The following TOP2B variants were observed in gnomAD, a reference collection of about 807,000 sequenced individuals.
The protein encoded by TOP2B is DNA topoisomerase 2-beta.
A neutral mutation model predicts 193.5 loss-of-function variants in TOP2B; 51 were observed. The ratio of observed to expected loss-of-function variants is 0.26; its 90% CI spans 0.21 to 0.33. TOP2B has a LOEUF of 0.33. Among genes scored for constraint, TOP2B ranks in the 10% least tolerant of loss-of-function variants. The pLI is 1.00. For synonymous variants in TOP2B, 634 were observed against 635.7 expected, an observed-to-expected ratio of 1.00 and a Z score of 0.04; for missense variants, 1,378 against 1,909.3, an observed-to-expected ratio of 0.72 and a Z score of 5.19.
chr3:25,652,828 A>G (rs1703630753), intron 1 of TOP2B, among the ~76,000 whole-genome samples: 1 of 152,112 alleles, frequency 6.6e-6, no homozygotes, highest in South Asian at 2.1e-4. Flanking sequence ...GAATAGAAAA[A>G]CAATGAGGAA....
chr3:25,659,449 A>C (rs1443137647), intron 1 of TOP2B, among the ~76,000 whole-genome samples: 1 of 152,242 alleles, frequency 6.6e-6, no homozygotes, highest in Non-Finnish European at 1.5e-5. Flanking sequence ...TGTATGTGTG[A>C]ACCCATCTGG....
At position 25,598,141 on chromosome 3, in the gene TOP2B, A is replaced by AAAC. The variant is rs142357671; in HGVS notation, c.*163_*165dup. On this transcript the variant is annotated 3_prime_UTR_variant, in exon 36 of 36. Coordinates refer to ENST00000264331, the MANE Select transcript of TOP2B (RefSeq NM_001330700.2). ...ATTTCAATGAGTAAAAAAGAGCATA[A>AAAC]AACTGTATGTGTAAGAACAAAATGT... is the stretch of plus-strand genomic sequence containing the variant. The AAAC allele has an allele frequency of 4.1e-5, 27 of 651,992 alleles. No individual in the cohort carries two copies. In the African/African-American group the frequency reaches 5.0e-4, roughly 12 times the overall value. 40.4% of individuals were successfully genotyped at this position (651,992 alleles called of 1,614,324 possible). A position where few individuals can be genotyped will look rare whatever the true frequency, so the allele number is the denominator to read the frequency against.
chr3:25,631,731 T>A (rs1213898991), intron 10 of TOP2B, among the ~76,000 whole-genome samples: 1 of 152,032 alleles, frequency 6.6e-6, no homozygotes, highest in African/African-American at 2.4e-5. Context: ...GGACAGAAAT[T>A]TGGGAAAGCA....
rs748760684 is a variant in TOP2B, at chr3:25,599,500, C to T, written c.4645G>A (p.Ala1549Thr). 6.2e-7 allele frequency: 1 copy of T among 1,613,460 alleles called. No individual in the cohort carries two copies. The highest frequency in any genetic ancestry group is 8.5e-7 in the Non-Finnish European group (1 of 1,179,616). ...TCGCCTTCATTTTCAGAGCCAGATG[C>T]TTTCCTTTTCTTTGCCCCTCGGCCT... ...GKGRGAKKRKASGSENEGDYN... is the reference protein window; with the variant it reads ...GKGRGAKKRKTSGSENEGDYN... The change falls in exon 35 of 36, where the codon GCA (alanine) becomes ACA (threonine). Residue 1549 changes from alanine to threonine, a missense_variant. Coordinates refer to ENST00000264331, the MANE Select transcript of TOP2B (RefSeq NM_001330700.2).
At chr3:25,639,852 T>G (rs371413972) in intron 4 of TOP2B, among the ~76,000 whole-genome samples, 1 of 152,192 alleles carries the variant, frequency 6.6e-6, no homozygotes, top group African/African-American at 2.4e-5. Context: ...AAAGAAAGAA[T>G]AAGAGCTAGG....
At chr3:25,646,475 A>G (rs1004337789) in intron 1 of TOP2B, among the ~76,000 whole-genome samples, 11 of 152,290 alleles carry the variant, frequency 7.2e-5, no homozygotes, top group Non-Finnish European at 1.3e-4. Context: ...AAGGTCTACA[A>G]ATTTCCTTGT....
At chr3:25,603,529 C>T (rs1702160841) in intron 33 of TOP2B, among the ~76,000 whole-genome samples, 2 of 152,188 alleles carry the variant, frequency 1.3e-5, no homozygotes, top group African/African-American at 2.4e-5. Flanking sequence ...AGGTGTGAGC[C>T]ACTGCGCCCA....
chr3:25,645,261 G>A (rs1703383180), intron 2 of TOP2B, 39 bp downstream of exon 2: 1 of 1,454,390 alleles, frequency 6.9e-7, no homozygotes, highest in East Asian at 2.4e-5. Context: ...AAATATAGAT[G>A]CACATCTCCT....
intron 25 of TOP2B, among the ~76,000 whole-genome samples, chr3:25,617,370 T>A (rs1403038874): frequency 1.3e-5 from 2 of 152,176 alleles, no homozygotes; most frequent in Non-Finnish European, 2.9e-5. Context: ...GCCCATCTTG[T>A]CCTACCGAAT....
rs774107881 is a variant in TOP2B, at chr3:25,604,818, T to C, written c.4431A>G (p.Pro1477=). 14 of 1,613,050 alleles carry C rather than the reference T, an allele frequency of 8.7e-6. No homozygotes were observed. Among genetic ancestry groups the C allele is most frequent in the East Asian group, 4.5e-5 (2 of 44,718 alleles). ...NEEDSASVFS[P]SFGLKQTDKV... is the part of the protein sequence containing the mutation. ...TATCTGTCTGTTTCAGACCAAATGATGGTGAAAAAACAGAAGCAGAATCTT... is the reference window on the plus strand; with the variant it reads ...TATCTGTCTGTTTCAGACCAAATGACGGTGAAAAAACAGAAGCAGAATCTT... The change falls in exon 33 of 36, where the codon CCA becomes CCG. Residue 1477 remains proline (P), a synonymous_variant. Transcript: ENST00000264331.
intron 8 of TOP2B, among the ~76,000 whole-genome samples, chr3:25,633,199 G>A (rs1203887459): frequency 6.6e-6 from 1 of 152,098 alleles, no homozygotes; most frequent in Non-Finnish European, 1.5e-5. Context: ...ACAAGTCCTA[G>A]GCCTCCTGTA....
At chr3:25,614,980 G>A (rs1055343592) in intron 27 of TOP2B, among the ~76,000 whole-genome samples, 2 of 151,852 alleles carry the variant, frequency 1.3e-5, no homozygotes, top group African/African-American at 2.4e-5. Context: ...TTAACTAATT[G>A]AAAGCAGATT....
At position 25,626,655 on chromosome 3, in the gene TOP2B, G is replaced by C; in HGVS notation, c.2129C>G (p.Ala710Gly). 6.5e-7 allele frequency: 1 copy of C among 1,535,626 alleles called. No homozygotes were observed. The highest frequency in any genetic ancestry group is 1.3e-5 in the South Asian group (1 of 79,726). The stretch of plus-strand genomic sequence containing the variant: ...ATCATTATAAGTCAAATGCTTTGTT[G>C]CAGTACCATATAAAAATTGCTAAGA... ...GLPEQFLYGT[A>G]TKHLTYNDFI... Residue 710 changes from alanine (A) to glycine (G), a missense_variant, in exon 18 of 36, where the codon GCA (alanine) becomes GGA (glycine). Ala to Gly is a moderately conservative substitution (Grantham distance 60). Coordinates refer to ENST00000264331, the MANE Select transcript of TOP2B (RefSeq NM_001330700.2).
chr3:25,618,947 C>A lies in TOP2B; in HGVS notation c.3064-98G>T, dbSNP rs571798245. 5.6e-5 allele frequency: 51 copies of A among 903,416 alleles called. No individual in the cohort carries two copies. The African/African-American group carries it at 7.8e-4, about 14-fold the overall frequency. 56.0% of individuals were successfully genotyped at this position (903,416 alleles called of 1,614,324 possible). ...TACTTAAAATAACCATAATATATAA[C>A]CATAATGCATGTGTGTGAACACAGA... On this transcript the variant is annotated intron_variant, in intron 23 of 35. Transcript: ENST00000264331.
In TOP2B at chr3:25,633,958, A is replaced by C. The variant is rs1703031413; in HGVS notation, c.909T>G (p.Thr303=). The C allele has an allele frequency of 1.9e-6, 3 of 1,612,898 alleles. No individual in the cohort carries two copies. The East Asian group carries it at 6.7e-5, about 36-fold the overall frequency. ...DLYVKDKLDE[T]GVALKVIHEL... ...CATGAATAACTTTCAGGGCCACCCC[A>C]GTTTCATCCAATTTGTCTTTCACAT... Residue 303 remains threonine (T), a synonymous_variant, in exon 8 of 36, where the codon ACT becomes ACG. Coordinates refer to ENST00000264331, the MANE Select transcript of TOP2B (RefSeq NM_001330700.2).
intron 1 of TOP2B, among the ~76,000 whole-genome samples, chr3:25,652,184 C>G (rs1385595690): frequency 1.3e-5 from 2 of 152,166 alleles, no homozygotes; most frequent in Admixed American, 1.3e-4. Flanking sequence ...TGAGCAAACA[C>G]TGACAGAAGT....
chr3:25,642,215 A>G (rs1177024626), intron 4 of TOP2B, 107 bp downstream of exon 4: 3 of 559,894 alleles, frequency 5.4e-6, no homozygotes, highest in African/African-American at 3.8e-5. Context: ...AACAACAGGG[A>G]AACTTTAAAA....
At chr3:25,648,211 G>GCATCAGACCCTGCAGTATCAGAAA (rs1703465059) in intron 1 of TOP2B, among the ~76,000 whole-genome samples, 2 of 152,190 alleles carry the variant, frequency 1.3e-5, no homozygotes, top group African/African-American at 4.8e-5. Flanking sequence ...CTTTGGTTTA[G>GCATCAGACCCTGCAGTATCAGAAA]CATCAGACCC....
chr3:25,615,531 C>A lies in TOP2B; in HGVS notation c.3407G>T (p.Gly1136Val). 6.3e-7 allele frequency: 1 copy of A among 1,575,606 alleles called. No homozygotes were observed. Among genetic ancestry groups the A allele is most frequent in the South Asian group, 1.2e-5 (1 of 85,100 alleles). The stretch of plus-strand genomic sequence containing the variant: ...ATTAAAATCTGGGCCTGAAGGAGTT[C>A]CTGAATCGGAGGAACTATCATCATG... ...NQHDDSSSDS[G>V]TPSGPDFNYI... The change falls in exon 26 of 36, where the codon GGA (glycine) becomes GTA (valine). Residue 1136 changes from glycine to valine, a missense_variant. By Grantham distance (109) the Gly-to-Val change is moderately radical (BLOSUM62 -3). Transcript: ENST00000264331.
Sources: allele counts gnomAD v4.1 joint callset (sites outside exome capture counted in the v4.1 genomes callset), GRCh38; gene constraint gnomAD v4.1.1; transcripts MANE v1.5; gene names NCBI Gene and HGNC (gene_info 2026-07-23, HGNC 2026-07-21).